Variants in KCNU1 observed in about 807,000 individuals in gnomAD.
KCNU1 encodes potassium calcium-activated channel subfamily U member 1, also known as potassium channel subfamily U member 1.
KCNU1 carries 93 observed loss-of-function variants against 126.8 expected under a neutral mutation model. The observed-to-expected ratio is 0.73, with a 90% CI of 0.62 to 0.87. KCNU1 has a LOEUF of 0.87. Among genes scored for constraint, KCNU1 ranks in the 40% least tolerant of loss-of-function variants. The pLI is 0.00. For missense variants in KCNU1, 1,330 were observed against 1,367.1 expected (o/e 0.97, Z 0.43); for synonymous variants, 523 against 494.2 (o/e 1.06, Z -0.77).
In KCNU1 at chr8:36,858,176, C is replaced by CAAAAAAAAAAAAAAAA; in HGVS notation, c.1892-6220_1892-6205dup. On this transcript the variant is annotated intron_variant, in intron 18 of 26. Transcript: ENST00000399881. ...AAGTCTAAGACAATTTCAAGGATGG[C>CAAAAAAAAAAAAAAAA]AAAAAAAAAAAAAAAAAAAAAAACT... 2.7e-5 allele frequency among the ~76,000 whole-genome samples: 2 copies of CAAAAAAAAAAAAAAAA among 73,036 alleles called. 1 individual carries two copies. Among genetic ancestry groups the CAAAAAAAAAAAAAAAA allele is most frequent in the Non-Finnish European group, 4.8e-5 (2 of 41,500 alleles). 47.9% of individuals were successfully genotyped at this position (73,036 alleles called of 152,430 possible).
At chr8:36,930,667 A>T (rs1318903673) in intron 24 of KCNU1, among the ~76,000 whole-genome samples, 1 of 152,120 alleles carries the variant, frequency 6.6e-6, no homozygotes, top group East Asian at 1.9e-4. Flanking sequence ...GAAGAGGGGA[A>T]TGCCTGGTGT....
At chr8:36,800,494 C>T (rs1208606833) in intron 2 of KCNU1, among the ~76,000 whole-genome samples, 1 of 152,140 alleles carries the variant, frequency 6.6e-6, no homozygotes, top group African/African-American at 2.4e-5. Context: ...GATGTGCTTC[C>T]TAGAAAAAGA....
chr8:36,893,104 G>A (rs565511284), intron 19 of KCNU1, among the ~76,000 whole-genome samples: 59 of 152,024 alleles, frequency 3.9e-4, no homozygotes, highest in African/African-American at 1.3e-3. Flanking sequence ...TGTTATTACA[G>A]GTGTGAGCCA....
chr8:36,836,496 G>T, intron 13 of KCNU1, 131 bp downstream of exon 13: 1 of 654,078 alleles, frequency 1.5e-6, no homozygotes, highest in Non-Finnish European at 2.6e-6. Flanking sequence ...GTCTTATTAA[G>T]ATGGATAATC....
chr8:36,834,821 T>C lies in KCNU1; in HGVS notation c.1248T>C (p.Asn416=), dbSNP rs1437600886. 2.5e-6 allele frequency: 4 copies of C among 1,612,506 alleles called. No homozygotes were observed. The highest frequency in any genetic ancestry group is 3.4e-6 in the Non-Finnish European group (4 of 1,179,078). ...CAGAGGCATGCCTGATTATAGCCAA[T>C]CCTTTGTGCAGTGATTCCCATGCTG... ...ESAEACLIIA[N]PLCSDSHAED... The change falls in exon 12 of 27, where the codon AAT becomes AAC. Residue 416 remains asparagine (N), a synonymous_variant. Transcript: ENST00000399881.
chr8:36,931,088 A>G lies in KCNU1; in HGVS notation c.2874A>G (p.Arg958=), dbSNP rs776084717. Reference sequence around the variant, plus strand: ...GCTGCACGTCGCTCTTGTCTGGAAGAAACCGGTGTAAGCTGGGGCTTCTGT... The same window carrying G: ...GCTGCACGTCGCTCTTGTCTGGAAGGAACCGGTGTAAGCTGGGGCTTCTGT... ...ADSCTSLLSG[R]NRCKLGLLSL... Residue 958 remains arginine, a synonymous_variant, in exon 25 of 27, where the codon AGA becomes AGG. Coordinates refer to ENST00000399881, the MANE Select transcript of KCNU1 (RefSeq NM_001031836.3). 2 of 1,611,858 alleles carry G rather than the reference A, an allele frequency of 1.2e-6. No individual in the cohort carries two copies. The highest frequency in any genetic ancestry group is 2.2e-5 in the South Asian group (2 of 90,674).
At chr8:36,910,876 G>T in intron 21 of KCNU1, 54 bp from the exon 22 acceptor site, 1 of 1,288,316 alleles carries the variant, frequency 7.8e-7, no homozygotes, top group Non-Finnish European at 1.1e-6. Context: ...CATGAGCCAT[G>T]ATATAACATC....
At chr8:36,841,474 T>C (rs896753494) in intron 16 of KCNU1, among the ~76,000 whole-genome samples, 2 of 152,040 alleles carry the variant, frequency 1.3e-5, no homozygotes, top group African/African-American at 2.4e-5. Context: ...GGCGGATCAC[T>C]TAAGGCCAGG....
At chr8:36,923,622 G>A (rs1198294922) in intron 24 of KCNU1, among the ~76,000 whole-genome samples, 1 of 152,176 alleles carries the variant, frequency 6.6e-6, no homozygotes, top group African/African-American at 2.4e-5. Flanking sequence ...CAGAAAGGGT[G>A]TTCAGTGGCA....
chr8:36,836,295 G>A lies in KCNU1; in HGVS notation c.1296-1G>A, dbSNP rs539313601. 6.3e-7 allele frequency: 1 copy of A among 1,595,064 alleles called. No individual in the cohort carries two copies. The highest frequency in any genetic ancestry group is 1.3e-5 in the African/African-American group (1 of 74,662). ...AATGAGAGTGTTTGGGGTTTATATA[G>A]GGTGCTCTCTATCAAGAACTATGAT... is the stretch of plus-strand genomic sequence containing the variant. On this transcript the variant is annotated splice_acceptor_variant, in intron 12 of 26. Transcript: ENST00000399881. LOFTEE classifies it high-confidence loss of function.
chr8:36,883,187 G>A (rs901686457), intron 19 of KCNU1, among the ~76,000 whole-genome samples: 25 of 152,240 alleles, frequency 1.6e-4, no homozygotes, highest in African/African-American at 6.0e-4. Flanking sequence ...GCATGAACCA[G>A]CCATCAATGT....
rs1327736287 is a variant in KCNU1 at position 36,833,623 on chromosome 8, A to G, written c.1176A>G (p.Gly392=). ...TGGCCTACACAACGTTCATTTCTGGATCTGCAATGAAGTGGGAGGATCTGA... is the reference window on the plus strand; with the variant it reads ...TGGCCTACACAACGTTCATTTCTGGGTCTGCAATGAAGTGGGAGGATCTGA... The part of the protein sequence containing the change: ...CYLAYTTFIS[G]SAMKWEDLRR... Residue 392 remains glycine, a synonymous_variant, in exon 11 of 27, where the codon GGA becomes GGG. Transcript: ENST00000399881. 3 of 1,611,922 alleles carry G rather than the reference A, an allele frequency of 1.9e-6. No individual in the cohort carries two copies. The highest frequency in any genetic ancestry group is 2.2e-5 in the East Asian group (1 of 44,778).
chr8:36,807,433 A>C lies in KCNU1; in HGVS notation c.639A>C (p.Leu213=). 6.2e-7 allele frequency: 1 copy of C among 1,612,944 alleles called. No homozygotes were observed. The highest frequency in any genetic ancestry group is 8.5e-7 in the Non-Finnish European group (1 of 1,179,020). ...AACTCCCTCAAATCTTGCAAATTCT[A>C]CGAGCCATCAAGACCAGGTAAATAG... ...LLELPQILQI[L]RAIKTSNSVK... The change falls in exon 6 of 27, where the codon CTA becomes CTC. Residue 213 remains leucine (L), a synonymous_variant. Coordinates refer to ENST00000399881, the MANE Select transcript of KCNU1 (RefSeq NM_001031836.3).
intron 2 of KCNU1, among the ~76,000 whole-genome samples, chr8:36,796,019 A>T (rs1803084222): frequency 6.6e-6 from 1 of 151,998 alleles, no homozygotes; most frequent in South Asian, 2.1e-4. Flanking sequence ...TTGTATCCGA[A>T]TTTTTCCTCT....
At chr8:36,832,579 C>G (rs1804593734) in intron 10 of KCNU1, among the ~76,000 whole-genome samples, 1 of 151,954 alleles carries the variant, frequency 6.6e-6, no homozygotes, top group African/African-American at 2.4e-5. Flanking sequence ...TGTATTGTAT[C>G]TTCTTTGTTC....
intron 19 of KCNU1, among the ~76,000 whole-genome samples, chr8:36,881,744 G>A (rs557876080): frequency 6.7e-6 from 1 of 149,388 alleles, no homozygotes; most frequent in African/African-American, 2.5e-5. Flanking sequence ...ATAAAATGTG[G>A]ATAAAAATAT....
chr8:36,911,715 T>C (rs947938984), intron 22 of KCNU1, among the ~76,000 whole-genome samples: 9 of 152,198 alleles, frequency 5.9e-5, no homozygotes, highest in African/African-American at 2.2e-4. Context: ...GGGGATCATG[T>C]CTCTTTTCCC....
chr8:36,849,537 C>G (rs1003451040), intron 18 of KCNU1, among the ~76,000 whole-genome samples: 1 of 152,144 alleles, frequency 6.6e-6, no homozygotes, highest in African/African-American at 2.4e-5. Context: ...TGGCAGTGAG[C>G]CAAGATCAGG....
intron 14 of KCNU1, among the ~76,000 whole-genome samples, chr8:36,839,948 A>T (rs147579232): frequency 1.3e-5 from 2 of 152,272 alleles, no homozygotes; most frequent in African/African-American, 4.8e-5. Context: ...TGATTTCTCC[A>T]TTCTCTCTTC....
Sources: allele counts gnomAD v4.1 joint callset (sites outside exome capture counted in the v4.1 genomes callset), GRCh38; gene constraint gnomAD v4.1.1; transcripts MANE v1.5; gene names NCBI Gene and HGNC (gene_info 2026-07-23, HGNC 2026-07-21).